PVT1: variants seen among roughly 807,000 people sequenced by gnomAD.
The protein encoded by PVT1 is CXCR4/PVT1 fusion.
intron 4 of PVT1, among the ~76,000 whole-genome samples, chr8:128,001,118 C>T (rs948163235): frequency 2.6e-5 from 4 of 152,164 alleles, no homozygotes; most frequent in Non-Finnish European, 5.9e-5. Context: ...ATTGCCACTG[C>T]CCCCCACCCC....
chr8:127,818,637 T>C (rs1814693836), intron 2 of PVT1, among the ~76,000 whole-genome samples: 2 of 152,174 alleles, frequency 1.3e-5, no homozygotes, highest in East Asian at 3.9e-4. Context: ...GCATAATGGA[T>C]AAGGGTGCAC....
At chr8:128,072,402 C>T (rs902134608) in intron 5 of PVT1, among the ~76,000 whole-genome samples, 1 of 152,182 alleles carries the variant, frequency 6.6e-6, no homozygotes, top group Non-Finnish European at 1.5e-5. Flanking sequence ...AGAGCCTCCA[C>T]CTCCTTATTT....
chr8:127,975,556 T>C (rs1191953852), intron 3 of PVT1, among the ~76,000 whole-genome samples: 1 of 152,212 alleles, frequency 6.6e-6, no homozygotes, highest in Non-Finnish European at 1.5e-5. Flanking sequence ...AGCTTCAACA[T>C]TGAGCCTTTG....
intron 2 of PVT1, among the ~76,000 whole-genome samples, chr8:127,850,095 G>T (rs1161550783): frequency 1.3e-5 from 2 of 152,130 alleles, no homozygotes; most frequent in Admixed American, 1.3e-4. Context: ...TACACAGCCT[G>T]TAACTACATG....
At chr8:127,813,657 C>T (rs1814626604) in intron 2 of PVT1, among the ~76,000 whole-genome samples, 1 of 152,144 alleles carries the variant, frequency 6.6e-6, no homozygotes, top group African/African-American at 2.4e-5. Context: ...GTTCCCTCAT[C>T]TGTAAAATGG....
intron 2 of PVT1, among the ~76,000 whole-genome samples, chr8:127,882,328 G>A (rs1259486120): frequency 6.6e-6 from 1 of 152,120 alleles, no homozygotes; most frequent in Non-Finnish European, 1.5e-5. Flanking sequence ...CTTTCTCTGG[G>A]AACAGATCTC....
At chr8:127,876,202 A>G (rs761805915) in intron 2 of PVT1, among the ~76,000 whole-genome samples, 3 of 152,052 alleles carry the variant, frequency 2.0e-5, no homozygotes, top group Non-Finnish European at 4.4e-5. Context: ...GACTTGCACC[A>G]TGGAGACACC....
intron 3 of PVT1, among the ~76,000 whole-genome samples, chr8:127,913,786 A>G (rs1015615417): frequency 6.6e-6 from 1 of 152,004 alleles, no homozygotes; most frequent in Non-Finnish European, 1.5e-5. Flanking sequence ...CCCTCCCTTA[A>G]TCTCTTCTAA....
At chr8:127,904,694 G>A (rs1229491722) in intron 3 of PVT1, among the ~76,000 whole-genome samples, 1 of 152,320 alleles carries the variant, frequency 6.6e-6, no homozygotes, top group South Asian at 2.1e-4. Context: ...TGTGAGGCAG[G>A]CATTATGCTT....
chr8:127,977,777 A>AGC (rs1816837948), intron 3 of PVT1, among the ~76,000 whole-genome samples: 1 of 152,200 alleles, frequency 6.6e-6, no homozygotes, highest in African/African-American at 2.4e-5. Context: ...TTGCATTACT[A>AGC]GCTGTCACCC....
intron 3 of PVT1, among the ~76,000 whole-genome samples, chr8:127,980,201 C>T (rs921192738): frequency 6.6e-6 from 1 of 152,088 alleles, no homozygotes; most frequent in Admixed American, 6.6e-5. Flanking sequence ...CTTTGCTTAC[C>T]ATTTTATCCC....
At chr8:127,838,550 C>T (rs551432105) in intron 2 of PVT1, among the ~76,000 whole-genome samples, 2 of 152,148 alleles carry the variant, frequency 1.3e-5, no homozygotes, top group South Asian at 4.2e-4. Context: ...ACTAAAAATA[C>T]AAAACTTAGC....
intron 3 of PVT1, among the ~76,000 whole-genome samples, chr8:127,899,957 A>G (rs911252427): frequency 6.6e-6 from 1 of 152,204 alleles, no homozygotes; most frequent in African/African-American, 2.4e-5. Flanking sequence ...CCGTATTCCC[A>G]CCCAAGGATT....
At chr8:127,795,202 T>G (rs1814379808) in intron 1 of PVT1, among the ~76,000 whole-genome samples, 1 of 152,180 alleles carries the variant, frequency 6.6e-6, no homozygotes, top group Admixed American at 6.5e-5. Context: ...TTTTGAGACT[T>G]TCTCAGTTTT....
At chr8:128,086,658 A>G (rs1814261566) in intron 5 of PVT1, among the ~76,000 whole-genome samples, 1 of 152,152 alleles carries the variant, frequency 6.6e-6, no homozygotes, top group Non-Finnish European at 1.5e-5. Context: ...CATCCATACC[A>G]TCTTACTTTG....
At chr8:127,928,983 C>T (rs1405757512) in intron 3 of PVT1, among the ~76,000 whole-genome samples, 1 of 152,146 alleles carries the variant, frequency 6.6e-6, no homozygotes, top group Non-Finnish European at 1.5e-5. Flanking sequence ...TCATGATATG[C>T]GGCTGCACAG....
chr8:127,852,123 T>G (rs748170865), intron 2 of PVT1: 1 of 152,192 alleles, frequency 6.6e-6, no homozygotes, highest in Non-Finnish European at 1.5e-5. Flanking sequence ...GTTACAGAAT[T>G]CCTGGAACTG....
chr8:127,798,687 T>A (rs1814426048), intron 2 of PVT1, among the ~76,000 whole-genome samples: 1 of 137,652 alleles, frequency 7.3e-6, no homozygotes, highest in East Asian at 2.1e-4. Flanking sequence ...GGTGAAACCC[T>A]GTCTCTACTA....
At chr8:127,805,094 C>A (rs1814511346) in intron 2 of PVT1, among the ~76,000 whole-genome samples, 1 of 151,348 alleles carries the variant, frequency 6.6e-6, no homozygotes, top group Non-Finnish European at 1.5e-5. Context: ...CCACGCCCGG[C>A]TAATTTTGTG....
Sources: allele counts gnomAD v4.1 joint callset (sites outside exome capture counted in the v4.1 genomes callset), GRCh38; gene constraint gnomAD v4.1.1; transcripts MANE v1.5; gene names NCBI Gene and HGNC (gene_info 2026-07-23, HGNC 2026-07-21).